The following TAS2R20 variants were observed in gnomAD, a reference collection of about 807,000 sequenced individuals.
The protein encoded by TAS2R20 is taste 2 receptor member 20.
For missense variants in TAS2R20, 364 were observed against 352.2 expected (o/e 1.03, Z -0.27); for synonymous variants, 136 against 127.1 (o/e 1.07, Z -0.47).
chr12:10,997,528 A>G lies in TAS2R20; in HGVS notation c.348T>C (p.Leu116=). 6.2e-7 allele frequency: 1 copy of G among 1,614,018 alleles called. No homozygotes were observed. Among genetic ancestry groups the G allele is most frequent in the South Asian group, 1.1e-5 (1 of 91,052 alleles). Reference sequence around the variant, plus strand: ...CCTTCCTTTTTAAGTGATGAAAAATAAGTCTGGAGAAATTGACGATCTTGA... The same window carrying G: ...CCTTCCTTTTTAAGTGATGAAAAATGAGTCTGGAGAAATTGACGATCTTGA... ...YLLKIVNFSR[L]IFHHLKRKAK... is the part of the protein sequence containing the mutation. Residue 116 remains leucine, a synonymous_variant, in exon 1 of 1, where the codon CTT becomes CTC. Transcript: ENST00000538986.
At position 10,997,022 on chromosome 12, in the gene TAS2R20, G is replaced by A. The variant is rs370343870; in HGVS notation, c.854C>T (p.Thr285Met). Residue 285 changes from threonine to methionine, a missense_variant, in exon 1 of 1, where the codon ACG becomes ATG. Physicochemically the swap from Thr to Met is moderately conservative, Grantham distance 81. Transcript: ENST00000538986. ...HSFILIWGNK[T>M]LKQTFLSVLW... is the part of the protein sequence containing the mutation. ...AACTGAAAGAAAGGTCTGCTTTAGCGTCTTGTTCCCCCAAATCAGAATGAA... is the reference window on the plus strand; with the variant it reads ...AACTGAAAGAAAGGTCTGCTTTAGCATCTTGTTCCCCCAAATCAGAATGAA... 23 of 1,613,890 alleles carry A rather than the reference G, an allele frequency of 1.4e-5. No individual in the cohort carries two copies. Among genetic ancestry groups the A allele is most frequent in the Admixed American group, 5.0e-5 (3 of 59,974 alleles).
rs1940232217 is a variant in TAS2R20, at chr12:10,996,305, G to A, written c.*641C>T. ...GATTGTGCTACTGCATTCCAGCCTG[G>A]ACAACAGGGCAAGACTCCATCTCAA... is the stretch of plus-strand genomic sequence containing the variant. On this transcript the variant is annotated 3_prime_UTR_variant, in exon 1 of 1. Transcript: ENST00000538986. Among the ~76,000 whole-genome samples the A allele has an allele frequency of 6.6e-6, 1 of 150,762 alleles. No individual in the cohort carries two copies. The highest frequency in any genetic ancestry group is 1.5e-5 in the Non-Finnish European group (1 of 67,830).
Position 10,997,383 on chromosome 12 carries a change from T to C in TAS2R20, c.493A>G (p.Lys165Glu). 1.2e-6 allele frequency: 2 copies of C among 1,614,126 alleles called. No homozygotes were observed. The highest frequency in any genetic ancestry group is 1.7e-6 in the Non-Finnish European group (2 of 1,180,002). ...TGCATTGCATTCCTCAGTTTGATCT[T>C]CCAAGTTACGTTTCCTTCACATTCT... Reference protein sequence around the residue: ...TEECEGNVTWKIKLRNAMHLS... With the variant: ...TEECEGNVTWEIKLRNAMHLS... Residue 165 changes from lysine (K) to glutamate (E), a missense_variant, in exon 1 of 1, where the codon AAG becomes GAG. By Grantham distance (56) the Lys-to-Glu change is moderately conservative. Transcript: ENST00000538986.
chr12:10,997,721 G>T lies in TAS2R20; in HGVS notation c.155C>A (p.Ala52Glu). 1 of 1,613,708 alleles carries T rather than the reference G, an allele frequency of 6.2e-7. No individual in the cohort carries two copies. The highest frequency in any genetic ancestry group is 2.2e-5 in the East Asian group (1 of 44,860). ...SSADQIIAAL[A>E]VSRVGLLWVI... ...CCAGAGCAAACCAACTCTGGAGACT[G>T]CCAGAGCAGCAATAATTTGATCAGC... is the stretch of plus-strand genomic sequence containing the variant. Residue 52 changes from alanine (A) to glutamate (E), a missense_variant, in exon 1 of 1, where the codon GCA becomes GAA. By Grantham distance (107) the Ala-to-Glu change is moderately radical. Transcript: ENST00000538986.
Position 10,996,914 on chromosome 12 carries a change from G to C in TAS2R20, c.*32C>G. ...TCCAGACACCATCAATTTGTTTTCTGCTAGAAAACACACAATGCACCTCTT... is the reference window on the plus strand; with the variant it reads ...TCCAGACACCATCAATTTGTTTTCTCCTAGAAAACACACAATGCACCTCTT... On this transcript the variant is annotated 3_prime_UTR_variant, in exon 1 of 1. Transcript: ENST00000538986. 1 of 1,532,358 alleles carries C rather than the reference G, an allele frequency of 6.5e-7. No individual in the cohort carries two copies. Among genetic ancestry groups the C allele is most frequent in the African/African-American group, 1.4e-5 (1 of 72,234 alleles). The allele number at this position is 1,532,358 out of a possible 1,614,324, so 94.9% of individuals were successfully genotyped here. A position where few individuals can be genotyped will look rare whatever the true frequency, so the allele number is the denominator to read the frequency against.
chr12:10,997,912 A>C lies in TAS2R20; in HGVS notation c.-37T>G. The C allele has an allele frequency of 7.2e-7, 1 of 1,394,752 alleles. No individual in the cohort carries two copies. Among genetic ancestry groups the C allele is most frequent in the Non-Finnish European group, 9.8e-7 (1 of 1,020,698 alleles). The allele number at this position is 1,394,752 out of a possible 1,614,324, so 86.4% of individuals were successfully genotyped here. A position where few individuals can be genotyped will look rare whatever the true frequency, so the allele number is the denominator to read the frequency against. ...AAAGCAAGTAAAAAATTCAGGCCTA[A>C]TGTCACTGATGGTGACTCCTCTGAT... On this transcript the variant is annotated 5_prime_UTR_variant, in exon 1 of 1. Coordinates refer to ENST00000538986, the MANE Select transcript of TAS2R20 (RefSeq NM_176889.4).
rs1208661132 is a variant in TAS2R20, at chr12:10,996,693, A to T, written c.*253T>A. The stretch of plus-strand genomic sequence containing the variant: ...ACTTTGGTATAACTGAACAGTTTAT[A>T]TGAAAAGTTGATTAAAGGTATGTTA... On this transcript the variant is annotated 3_prime_UTR_variant, in exon 1 of 1. Transcript: ENST00000538986. 2.1e-5 allele frequency: 6 copies of T among 285,882 alleles called. No homozygotes were observed. The highest frequency in any genetic ancestry group is 3.8e-5 in the Non-Finnish European group (6 of 159,390). The allele number at this position is 285,882 out of a possible 1,614,324, so 17.7% of individuals were successfully genotyped here.
chr12:10,997,723 C>T lies in TAS2R20; in HGVS notation c.153G>A (p.Leu51=), dbSNP rs1305468753. Reference sequence around the variant, plus strand: ...AGAGCAAACCAACTCTGGAGACTGCCAGAGCAGCAATAATTTGATCAGCTG... The same window carrying T: ...AGAGCAAACCAACTCTGGAGACTGCTAGAGCAGCAATAATTTGATCAGCTG... ...ISSADQIIAA[L]AVSRVGLLWV... The change falls in exon 1 of 1, where the codon CTG becomes CTA. Residue 51 remains leucine, a synonymous_variant. Coordinates refer to ENST00000538986, the MANE Select transcript of TAS2R20 (RefSeq NM_176889.4). 1.2e-6 allele frequency: 2 copies of T among 1,613,864 alleles called. No individual in the cohort carries two copies. The highest frequency in any genetic ancestry group is 1.7e-6 in the Non-Finnish European group (2 of 1,179,918).
chr12:10,997,903 T>G lies in TAS2R20; in HGVS notation c.-28A>C, dbSNP rs1416641630. On this transcript the variant is annotated 5_prime_UTR_variant, in exon 1 of 1. Transcript: ENST00000538986. ...CTAAACAAAAAAGCAAGTAAAAAAT[T>G]CAGGCCTAATGTCACTGATGGTGAC... 1 of 1,508,612 alleles carries G rather than the reference T, an allele frequency of 6.6e-7. No individual in the cohort carries two copies. The highest frequency in any genetic ancestry group is 9.0e-7 in the Non-Finnish European group (1 of 1,116,932). 93.5% of individuals were successfully genotyped at this position (1,508,612 alleles called of 1,614,324 possible).
Position 10,997,777 on chromosome 12 carries a change from A to T in TAS2R20, c.99T>A (p.Ile33=). The change falls in exon 1 of 1, where the codon ATT becomes ATA. Residue 33 remains isoleucine, a synonymous_variant. Coordinates refer to ENST00000538986, the MANE Select transcript of TAS2R20 (RefSeq NM_176889.4). ...ANGFIALINF[I]AWVKRQKISS... is the part of the protein sequence containing the mutation. ...AGATCTTTTGTCTCTTGACCCAGGC[A>T]ATGAAATTTATCAGTGCTATAAAGC... The T allele has an allele frequency of 6.2e-7, 1 of 1,613,916 alleles. No individual in the cohort carries two copies. The highest frequency in any genetic ancestry group is 2.2e-5 in the East Asian group (1 of 44,868).
chr12:10,997,067 A>G lies in TAS2R20; in HGVS notation c.809T>C (p.Ile270Thr), dbSNP rs760082535. The G allele has an allele frequency of 6.2e-7, 1 of 1,614,082 alleles. No individual in the cohort carries two copies. The highest frequency in any genetic ancestry group is 1.3e-5 in the African/African-American group (1 of 75,040). Residue 270 changes from isoleucine to threonine, a missense_variant, in exon 1 of 1, where the codon ATA becomes ACA. Physicochemically the swap from Ile to Thr is moderately conservative, Grantham distance 89. Transcript: ENST00000538986. ...AATGAATGAGTGGAATGATGGATATATGATTCCAAAAGCTTGGCAAAGCAT... is the reference window on the plus strand; with the variant it reads ...AATGAATGAGTGGAATGATGGATATGTGATTCCAAAAGCTTGGCAAAGCAT... ...VLMLCQAFGIIYPSFHSFILI... is the reference protein window; with the variant it reads ...VLMLCQAFGITYPSFHSFILI...
chr12:10,996,771 T>A lies in TAS2R20; in HGVS notation c.*175A>T, dbSNP rs1001231818. ...TCAGACATACACACACACGCAAATG[T>A]ATATTATATATATATACTTTTATAT... is the stretch of plus-strand genomic sequence containing the variant. On this transcript the variant is annotated 3_prime_UTR_variant, in exon 1 of 1. Coordinates refer to ENST00000538986, the MANE Select transcript of TAS2R20 (RefSeq NM_176889.4). The A allele has an allele frequency of 7.3e-6, 3 of 411,116 alleles. No homozygotes were observed. The highest frequency in any genetic ancestry group is 4.2e-6 in the Non-Finnish European group (1 of 238,912). 25.5% of individuals were successfully genotyped at this position (411,116 alleles called of 1,614,324 possible).
rs748322368 is a variant in TAS2R20, at chr12:10,997,045, G to A, written c.831C>T (p.Phe277=). 16 of 1,613,906 alleles carry A rather than the reference G, an allele frequency of 9.9e-6. No individual in the cohort carries two copies. In the Admixed American group the frequency reaches 2.5e-4, roughly 25 times the overall value. The change falls in exon 1 of 1, where the codon TTC becomes TTT. Residue 277 remains phenylalanine, a synonymous_variant. Transcript: ENST00000538986. ...GCGTCTTGTTCCCCCAAATCAGAAT[G>A]AATGAGTGGAATGATGGATATATGA... ...FGIIYPSFHS[F]ILIWGNKTLK...
rs1354099404 is a variant in TAS2R20, at chr12:10,997,062, G to C, written c.814C>G (p.Pro272Ala). 8.1e-6 allele frequency: 13 copies of C among 1,613,998 alleles called. No homozygotes were observed. Among genetic ancestry groups the C allele is most frequent in the Non-Finnish European group, 1.1e-5 (13 of 1,179,940 alleles). Residue 272 changes from proline (P) to alanine (A), a missense_variant, in exon 1 of 1, where the codon CCA becomes GCA. By Grantham distance (27) the Pro-to-Ala change is conservative. Coordinates refer to ENST00000538986, the MANE Select transcript of TAS2R20 (RefSeq NM_176889.4). ...ATCAGAATGAATGAGTGGAATGATG[G>C]ATATATGATTCCAAAAGCTTGGCAA... ...MLCQAFGIIYPSFHSFILIWG... is the reference protein window; with the variant it reads ...MLCQAFGIIYASFHSFILIWG...
chr12:10,996,282 T>C lies in TAS2R20; in HGVS notation c.*664A>G, dbSNP rs142698511. Among the ~76,000 whole-genome samples the C allele has an allele frequency of 1.2e-3, 177 of 151,818 alleles. No individual in the cohort carries two copies. The highest frequency in any genetic ancestry group is 4.0e-3 in the African/African-American group (167 of 41,374). On this transcript the variant is annotated 3_prime_UTR_variant, in exon 1 of 1. Coordinates refer to ENST00000538986, the MANE Select transcript of TAS2R20 (RefSeq NM_176889.4). ...AGGTGAACGTTGTGGTGAGCCAAGA[T>C]TGTGCTACTGCATTCCAGCCTGGAC...
rs558939586 is a variant in TAS2R20 at position 10,997,132 on chromosome 12, C to T, written c.744G>A (p.Ser248=). 1.6e-4 allele frequency: 254 copies of T among 1,614,020 alleles called. 4 individuals are homozygous for T. The East Asian group carries it at 5.3e-3, about 34-fold the overall frequency. The change falls in exon 1 of 1, where the codon TCG becomes TCA. Residue 248 remains serine (S), a synonymous_variant. Coordinates refer to ENST00000538986, the MANE Select transcript of TAS2R20 (RefSeq NM_176889.4). ...LAIYFLCLII[S]FWNFKMRPKE... Reference sequence around the variant, plus strand: ...TTGGTCGCATCTTAAAATTCCAAAACGATATGATTAGACACAGAAAGTAAA... The same window carrying T: ...TTGGTCGCATCTTAAAATTCCAAAATGATATGATTAGACACAGAAAGTAAA...
In TAS2R20 at chr12:10,996,971, T is replaced by G; in HGVS notation, c.905A>C (p.Lys302Thr). The change falls in exon 1 of 1, where the codon AAA (lysine) becomes ACA (threonine). Residue 302 changes from lysine to threonine, a missense_variant. By Grantham distance (78) the Lys-to-Thr change is moderately conservative (BLOSUM62 -1). Transcript: ENST00000538986. ...CTATGGAGTTGACTGGTTCTGTCCTTTTGCCCAGCAAGTCACCTGCCACAA... is the reference window on the plus strand; with the variant it reads ...CTATGGAGTTGACTGGTTCTGTCCTGTTGCCCAGCAAGTCACCTGCCACAA... ...SVLWQVTCWA[K>T]GQNQSTP is the part of the protein sequence containing the mutation. 6.2e-7 allele frequency: 1 copy of G among 1,613,208 alleles called. No homozygotes were observed. Among genetic ancestry groups the G allele is most frequent in the Non-Finnish European group, 8.5e-7 (1 of 1,179,488 alleles).
At position 10,997,755 on chromosome 12, in the gene TAS2R20, T is replaced by C. The variant is rs1940363350; in HGVS notation, c.121A>G (p.Ile41Val). 1.9e-6 allele frequency: 3 copies of C among 1,613,806 alleles called. No homozygotes were observed. In the African/African-American group the frequency reaches 4.0e-5, roughly 22 times the overall value. ...GCAATAATTTGATCAGCTGAGGAGA[T>C]CTTTTGTCTCTTGACCCAGGCAATG... ...NFIAWVKRQK[I>V]SSADQIIAAL... Residue 41 changes from isoleucine to valine, a missense_variant, in exon 1 of 1, where the codon ATC becomes GTC. Transcript: ENST00000538986.
chr12:10,996,947 T>G lies in TAS2R20; in HGVS notation c.929A>C (p.Ter310SerextTer34), dbSNP rs1565533740. 1 of 1,600,236 alleles carries G rather than the reference T, an allele frequency of 6.2e-7. No individual in the cohort carries two copies. Among genetic ancestry groups the G allele is most frequent in the South Asian group, 1.1e-5 (1 of 89,264 alleles). The change falls in exon 1 of 1, where the codon TAG becomes TCG. Residue 310 changes from the stop codon to serine, a stop_lost. Transcript: ENST00000538986. ...WAKGQNQSTP[*>S] The stretch of plus-strand genomic sequence containing the variant: ...ACACACAATGCACCTCTTGTGAATC[T>G]ATGGAGTTGACTGGTTCTGTCCTTT...
Sources: gnomAD v4.1 joint callset for allele counts (sites outside exome capture counted in the v4.1 genomes callset) on GRCh38, gnomAD v4.1.1 for gene constraint, MANE v1.5 for transcripts, NCBI Gene and HGNC (gene_info 2026-07-23, HGNC 2026-07-21) for gene names.